Variants in SYNE3 observed in about 807,000 individuals in gnomAD.
The protein encoded by SYNE3 is nesprin-3.
A neutral mutation model predicts 111.2 loss-of-function variants in SYNE3; 100 were observed. That is an observed-to-expected ratio of 0.90 (90% confidence interval 0.77 to 1.06). The LOEUF is 1.06. SYNE3 is among the 50% of genes least tolerant of loss of function. SYNE3 has a pLI of 0.00. For missense variants in SYNE3, 1,160 were observed against 1,240.3 expected (o/e 0.94, Z 0.97); for synonymous variants, 547 against 533.9 (o/e 1.02, Z -0.34).
At chr14:95,484,308 G>A (rs1308833715) in intron 1 of SYNE3, among the ~76,000 whole-genome samples, 1 of 152,230 alleles carries the variant, frequency 6.6e-6, no homozygotes, top group African/African-American at 2.4e-5. Flanking sequence ...TCCTAGGGCA[G>A]GGTGGGTGGC....
intron 17 of SYNE3, among the ~76,000 whole-genome samples, chr14:95,424,870 C>T (rs1274946769): frequency 6.6e-6 from 1 of 152,046 alleles, no homozygotes; most frequent in Non-Finnish European, 1.5e-5. Context: ...GGATCCTGGA[C>T]TGAGAAAAAA....
At chr14:95,494,642 A>T (rs1219312221) in intron 1 of SYNE3, among the ~76,000 whole-genome samples, 1 of 152,102 alleles carries the variant, frequency 6.6e-6, no homozygotes, top group East Asian at 1.9e-4. Flanking sequence ...GGCACAGCCT[A>T]CTCAGTGACA....
chr14:95,491,824 A>G (rs1371752887), intron 1 of SYNE3, among the ~76,000 whole-genome samples: 1 of 152,194 alleles, frequency 6.6e-6, no homozygotes, highest in Non-Finnish European at 1.5e-5. Context: ...GATGTCCCAC[A>G]GAATGGAACA....
intron 17 of SYNE3, among the ~76,000 whole-genome samples, chr14:95,426,649 C>T (rs1159259437): frequency 6.6e-6 from 1 of 151,914 alleles, no homozygotes; most frequent in Non-Finnish European, 1.5e-5. Context: ...ACCGAGGGCA[C>T]GAGCTGTTCC....
At chr14:95,490,178 G>A (rs559977355) in intron 1 of SYNE3, among the ~76,000 whole-genome samples, 1 of 152,358 alleles carries the variant, frequency 6.6e-6, no homozygotes, top group South Asian at 2.1e-4. Context: ...ACGCTGCTGA[G>A]AGGCCCTGCC....
At chr14:95,460,011 C>T (rs191165564) in intron 4 of SYNE3, among the ~76,000 whole-genome samples, 7 of 151,474 alleles carry the variant, frequency 4.6e-5, no homozygotes, top group South Asian at 4.2e-4. Context: ...GCAGGAGGAT[C>T]GCTTGAGCCC....
At chr14:95,451,911 G>A (rs1410784968) in intron 7 of SYNE3, 1 of 177,150 alleles carries the variant, frequency 5.6e-6, no homozygotes, top group Non-Finnish European at 1.2e-5. Context: ...GCATCCGAAG[G>A]CAGGGGAATG....
intron 1 of SYNE3, among the ~76,000 whole-genome samples, chr14:95,488,792 T>A (rs887325807): frequency 6.7e-6 from 1 of 150,170 alleles, no homozygotes; most frequent in Non-Finnish European, 1.5e-5. Context: ...TGCACCTCTT[T>A]ACATACCCAG....
chr14:95,449,825 T>C (rs1039409278), intron 8 of SYNE3, 106 bp downstream of exon 8: 1 of 1,465,192 alleles, frequency 6.8e-7, no homozygotes. Flanking sequence ...TCTCCCCAGA[T>C]ATCCGGAGGA....
chr14:95,475,644 C>G, intron 2 of SYNE3, 34 bp downstream of exon 2: 1 of 1,473,124 alleles, frequency 6.8e-7, no homozygotes, highest in Non-Finnish European at 9.0e-7. Context: ...GGGGCCAAGA[C>G]CACAGGGCCA....
intron 1 of SYNE3, among the ~76,000 whole-genome samples, chr14:95,481,722 C>T (rs1889266963): frequency 6.6e-6 from 1 of 152,170 alleles, no homozygotes; most frequent in South Asian, 2.1e-4. Flanking sequence ...ATGTGTGGGC[C>T]CCCAGGCCAG....
intron 6 of SYNE3, 151 bp downstream of exon 6, chr14:95,455,226 G>A (rs753150641): frequency 2.2e-5 from 13 of 592,060 alleles, no homozygotes; most frequent in Non-Finnish European, 3.2e-5. Flanking sequence ...TCTACTCCCC[G>A]CTCAGGGAGC....
At chr14:95,506,591 G>A (rs777615318) in intron 1 of SYNE3, among the ~76,000 whole-genome samples, 12 of 152,272 alleles carry the variant, frequency 7.9e-5, no homozygotes, top group South Asian at 2.1e-4. Context: ...GAGGCAGGCA[G>A]AAGTGCTGAG....
At chr14:95,480,723 G>A (rs1354520457) in intron 1 of SYNE3, among the ~76,000 whole-genome samples, 1 of 152,126 alleles carries the variant, frequency 6.6e-6, no homozygotes, top group African/African-American at 2.4e-5. Context: ...AAGGAAGAGT[G>A]TGGTTGACTC....
At chr14:95,430,463 CT>C (rs34005322) in intron 17 of SYNE3, among the ~76,000 whole-genome samples, 18,725 of 152,224 alleles carry the variant, frequency 0.12, 1,305 homozygotes, top group Admixed American at 0.22. Flanking sequence ...AGCATTTCTA[CT>C]TTCATATACA....
intron 7 of SYNE3, 77 bp from the exon 8 acceptor site, chr14:95,450,182 C>T (rs888537269): frequency 1.4e-5 from 21 of 1,488,916 alleles, no homozygotes; most frequent in Middle Eastern, 2.0e-4. Context: ...TCCGCCAAGA[C>T]CCTCAAGAGG....
intron 4 of SYNE3, among the ~76,000 whole-genome samples, chr14:95,464,787 C>A (rs1888062053): frequency 6.6e-6 from 1 of 152,226 alleles, no homozygotes. Context: ...AAGGACAACA[C>A]CCCCCAAGGA....
chr14:95,475,864 C>T, intron 1 of SYNE3, 29 bp from the exon 2 acceptor site: 1 of 1,451,180 alleles, frequency 6.9e-7, no homozygotes, highest in Non-Finnish European at 9.1e-7. Flanking sequence ...ATAAGGCCAA[C>T]AGGCAGGAAT....
chr14:95,497,247 T>C (rs1341204047), intron 1 of SYNE3, among the ~76,000 whole-genome samples: 3 of 152,218 alleles, frequency 2.0e-5, no homozygotes, highest in East Asian at 1.9e-4. Flanking sequence ...AAATAAGCTA[T>C]GTGGTCTTAG....
Sources: gnomAD v4.1 joint callset for allele counts (sites outside exome capture counted in the v4.1 genomes callset) on GRCh38, gnomAD v4.1.1 for gene constraint, MANE v1.5 for transcripts, NCBI Gene and HGNC (gene_info 2026-07-23, HGNC 2026-07-21) for gene names.